Variants in SH3D19 observed in about 807,000 individuals in gnomAD.
SH3D19 encodes SH3 domain-containing protein 19.
In SH3D19, 58 loss-of-function variants were observed where a neutral mutation model predicts 112.1. The ratio of observed to expected loss-of-function variants is 0.52; its 90% CI spans 0.42 to 0.64. SH3D19 has a LOEUF of 0.64. SH3D19 is among the 30% of genes least tolerant of loss of function. The probability of loss-of-function intolerance (pLI) is 0.00; values close to 1 mark genes in which losing one functional copy is unlikely to be tolerated. For missense variants in SH3D19, 1,090 were observed against 1,263.4 expected (o/e 0.86, Z 2.08); for synonymous variants, 391 against 448.5 (o/e 0.87, Z 1.62).
chr4:151,120,842 G>T lies in SH3D19; in HGVS notation c.*1249C>A, dbSNP rs1015748294. ...AAAACAGAAGAAAGTCATGACCATT[G>T]TTGGGAAAGTGTTTTACATTTCCAA... On this transcript the variant is annotated 3_prime_UTR_variant, in exon 20 of 20. Transcript: ENST00000604030. The T allele has an allele frequency of 9.2e-5, 14 of 152,558 alleles. No individual in the cohort carries two copies. Among genetic ancestry groups the T allele is most frequent in the African/African-American group, 3.1e-4 (13 of 41,450 alleles). The allele number at this position is 152,558 out of a possible 1,614,324, so 9.5% of individuals were successfully genotyped here. A position where few individuals can be genotyped will look rare whatever the true frequency, so the allele number is the denominator to read the frequency against.
chr4:151,306,747 C>T (rs1355432857), intron 1 of SH3D19, among the ~76,000 whole-genome samples: 5 of 152,156 alleles, frequency 3.3e-5, no homozygotes, highest in Non-Finnish European at 7.3e-5. Flanking sequence ...ATAGCAAACG[C>T]GCTGTAATTA....
At chr4:151,286,145 T>C (rs11729901) in intron 1 of SH3D19, among the ~76,000 whole-genome samples, 46,481 of 132,318 alleles carry the variant, frequency 0.35, 9,086 homozygotes, top group Non-Finnish European at 0.45. Context: ...TGCACCACTG[T>C]GCTCCAGGCT....
intron 7 of SH3D19, chr4:151,165,990 C>G (rs1053118133): frequency 5.8e-5 from 14 of 242,292 alleles, no homozygotes; most frequent in African/African-American, 2.3e-4. Context: ...TCATACGTGT[C>G]TGCCTGAAAA....
chr4:151,276,149 T>A (rs2150001918), intron 1 of SH3D19, among the ~76,000 whole-genome samples: 1 of 152,216 alleles, frequency 6.6e-6, no homozygotes, highest in Admixed American at 6.5e-5. Flanking sequence ...GGCCTATTAG[T>A]TTTAAACTGC....
intron 1 of SH3D19, among the ~76,000 whole-genome samples, chr4:151,312,935 A>C (rs1340771244): frequency 6.6e-6 from 1 of 151,084 alleles, no homozygotes; most frequent in Non-Finnish European, 1.5e-5. Flanking sequence ...AAATAAATAA[A>C]TAAATTAGCC....
chr4:151,149,587 A>G, intron 9 of SH3D19, 26 bp from the exon 10 acceptor site: 2 of 1,604,832 alleles, frequency 1.2e-6, no homozygotes, highest in East Asian at 4.5e-5. Context: ...AATGCTTTTT[A>G]GTTAAGGTTA....
intron 2 of SH3D19, among the ~76,000 whole-genome samples, chr4:151,197,909 C>G (rs1228621051): frequency 6.6e-6 from 1 of 152,024 alleles, no homozygotes; most frequent in Admixed American, 6.5e-5. Flanking sequence ...GAGGCAGATA[C>G]TTTTTTTAAA....
intron 7 of SH3D19, among the ~76,000 whole-genome samples, chr4:151,173,491 A>G (rs1213663964): frequency 2.0e-5 from 3 of 152,252 alleles, no homozygotes; most frequent in Non-Finnish European, 4.4e-5. Context: ...ACTTAGGCCA[A>G]TGATAACTCA....
chr4:151,250,571 T>C (rs2149977055), intron 1 of SH3D19, among the ~76,000 whole-genome samples: 1 of 152,186 alleles, frequency 6.6e-6, no homozygotes, highest in South Asian at 2.1e-4. Context: ...GTGCTAGAAG[T>C]GGAGACAATA....
intron 2 of SH3D19, among the ~76,000 whole-genome samples, chr4:151,192,090 C>A (rs1420181067): frequency 6.7e-6 from 1 of 149,306 alleles, no homozygotes; most frequent in East Asian, 2.0e-4. Flanking sequence ...ACTACAGGTG[C>A]CACGACCAGC....
intron 2 of SH3D19, among the ~76,000 whole-genome samples, chr4:151,212,625 C>T (rs1279422874): frequency 3.9e-5 from 6 of 152,222 alleles, no homozygotes; most frequent in Non-Finnish European, 7.3e-5. Flanking sequence ...AATATTACTG[C>T]TCATTGACAA....
chr4:151,259,247 T>C (rs1342812737), intron 1 of SH3D19, among the ~76,000 whole-genome samples: 1 of 152,136 alleles, frequency 6.6e-6, no homozygotes, highest in Non-Finnish European at 1.5e-5. Context: ...GCACATACCA[T>C]TCTTGTCAGT....
chr4:151,264,426 TCAAAAAAAAAAAAAAAAACCAAA>T (rs1425128448), intron 1 of SH3D19, among the ~76,000 whole-genome samples: 110 of 11,686 alleles, frequency 9.4e-3, no homozygotes, highest in African/African-American at 0.023. Context: ...AGACTCTGTC[TCAAAAAAAAAAAAAAAAACCAAA>T]CAAAAAAAAA....
In SH3D19 at chr4:151,317,874, G is replaced by A. The variant is rs1580479007; in HGVS notation, c.112+7367C>T. On this transcript the variant is annotated intron_variant, in intron 1 of 19. Coordinates refer to ENST00000604030, the MANE Select transcript of SH3D19 (RefSeq NM_001378122.1). The stretch of plus-strand genomic sequence containing the variant: ...TGTAATCCCAGCTACTTGGGAGGAT[G>A]AGACTACTTGGGAGGCTGACGCAGG... Among the ~76,000 whole-genome samples, 7 of 152,200 alleles carry A rather than the reference G, an allele frequency of 4.6e-5. No individual in the cohort carries two copies. The South Asian group carries it at 1.5e-3, about 32-fold the overall frequency.
chr4:151,259,889 A>G (rs1772240999), intron 1 of SH3D19, among the ~76,000 whole-genome samples: 1 of 152,140 alleles, frequency 6.6e-6, no homozygotes, highest in African/African-American at 2.4e-5. Flanking sequence ...CCATTCCTCA[A>G]TTCGAAGCCT....
intron 19 of SH3D19, among the ~76,000 whole-genome samples, chr4:151,125,051 T>TTTTA (rs1748885516): frequency 6.6e-6 from 1 of 151,326 alleles, no homozygotes; most frequent in South Asian, 2.1e-4. Flanking sequence ...AAGGCAACAG[T>TTTTA]TTTCTTTCTT....
In SH3D19 at chr4:151,273,425, C is replaced by T. The variant is rs193087403; in HGVS notation, c.113-47339G>A. On this transcript the variant is annotated intron_variant, in intron 1 of 19. Transcript: ENST00000604030. The stretch of plus-strand genomic sequence containing the variant: ...CTAACATGGTGAAAACCCGTCTCTA[C>T]TAAAAATACAAAAAATTAGCTGGGC... 1.1e-4 allele frequency among the ~76,000 whole-genome samples: 16 copies of T among 151,782 alleles called. No individual in the cohort carries two copies. In the East Asian group the frequency reaches 2.5e-3, roughly 24 times the overall value.
intron 1 of SH3D19, among the ~76,000 whole-genome samples, chr4:151,309,422 A>C (rs1490844140): frequency 3.9e-5 from 6 of 152,224 alleles, no homozygotes; most frequent in African/African-American, 1.4e-4. Flanking sequence ...AGCAAAGGAA[A>C]AAATAAAAGG....
rs564970460 is a variant in SH3D19 at position 151,135,588 on chromosome 4, C to T, written c.2428-456G>A. On this transcript the variant is annotated intron_variant, in intron 14 of 19. Transcript: ENST00000604030. ...GACTACCGGTGTGCACCACCACACC[C>T]GGCAAATTTTTGTATTTTTAGTAGA... 3.3e-5 allele frequency among the ~76,000 whole-genome samples: 5 copies of T among 152,016 alleles called. No homozygotes were observed. In the South Asian group the frequency reaches 8.3e-4, roughly 25 times the overall value.
Sources: allele counts gnomAD v4.1 joint callset (sites outside exome capture counted in the v4.1 genomes callset), GRCh38; gene constraint gnomAD v4.1.1; transcripts MANE v1.5; gene names NCBI Gene and HGNC (gene_info 2026-07-23, HGNC 2026-07-21).